SLC26A7: variants seen among roughly 807,000 people sequenced by gnomAD.
The protein encoded by SLC26A7 is anion exchange transporter.
Under a neutral mutation model 82.5 loss-of-function variants are expected in SLC26A7, and 59 were observed. The observed-to-expected ratio is 0.72, with a 90% CI of 0.58 to 0.89. The LOEUF is 0.89. Among genes scored for constraint, SLC26A7 ranks in the 40% least tolerant of loss-of-function variants. The pLI is 0.00. For missense variants in SLC26A7, 820 were observed against 793.0 expected, an observed-to-expected ratio of 1.03 and a Z score of -0.41; for synonymous variants, 271 against 274.3, an observed-to-expected ratio of 0.99 and a Z score of 0.12.
At chr8:91,228,277 A>G (rs1019488856) in intron 2 of SLC26A7, among the ~76,000 whole-genome samples, 7 of 152,248 alleles carry the variant, frequency 4.6e-5, no homozygotes, top group African/African-American at 1.7e-4. Context: ...GGTAGTAAAC[A>G]TAGGTGTTGG....
chr8:91,344,689 T>C (rs977365672), intron 9 of SLC26A7, among the ~76,000 whole-genome samples: 1 of 152,160 alleles, frequency 6.6e-6, no homozygotes, highest in Admixed American at 6.5e-5. Flanking sequence ...TTGCCACAGC[T>C]CATCAGCTAA....
chr8:91,242,016 C>T (rs1364974749), intron 2 of SLC26A7, among the ~76,000 whole-genome samples: 1 of 152,110 alleles, frequency 6.6e-6, no homozygotes, highest in East Asian at 1.9e-4. Context: ...ATTTTTTAGA[C>T]TTATCCCTTT....
At chr8:91,328,988 A>G (rs1289500241) in intron 5 of SLC26A7, among the ~76,000 whole-genome samples, 1 of 152,160 alleles carries the variant, frequency 6.6e-6, no homozygotes, top group Non-Finnish European at 1.5e-5. Flanking sequence ...ATGAACTAAT[A>G]TTACAGTTTT....
At chr8:91,359,085 T>C (rs1264761824) in intron 11 of SLC26A7, among the ~76,000 whole-genome samples, 1 of 152,054 alleles carries the variant, frequency 6.6e-6, no homozygotes, top group Non-Finnish European at 1.5e-5. Context: ...ATAATAAAAA[T>C]ATAAAAAAGA....
At chr8:91,226,833 G>T (rs1009223896) in intron 2 of SLC26A7, among the ~76,000 whole-genome samples, 4 of 152,216 alleles carry the variant, frequency 2.6e-5, no homozygotes, top group African/African-American at 7.2e-5. Context: ...GAATGAGTGA[G>T]TCCTATGGAT....
intron 1 of SLC26A7, among the ~76,000 whole-genome samples, chr8:91,216,251 A>T (rs1810045110): frequency 6.6e-6 from 1 of 152,180 alleles, no homozygotes; most frequent in Non-Finnish European, 1.5e-5. Context: ...AAGGGGAAAG[A>T]GGGACACAGA....
intron 15 of SLC26A7, among the ~76,000 whole-genome samples, chr8:91,371,610 T>C (rs1224259061): frequency 7.9e-5 from 12 of 152,026 alleles, no homozygotes; most frequent in African/African-American, 2.9e-4. Flanking sequence ...CCATCGTGTA[T>C]ATATAGTACA....
Position 91,249,705 on chromosome 8 carries a change from C to A in SLC26A7, c.54C>A (p.Thr18=). Residue 18 remains threonine, a synonymous_variant, in exon 2 of 19, where the codon ACC becomes ACA. Transcript: ENST00000276609. ...KKSMLWSKMH[T]PQCEDIIQWC... is the part of the protein sequence containing the mutation. ...GCATGCTTTGGAGCAAGATGCATAC[C>A]CCCCAGTGTGAAGACATTATACAGT... 1 of 1,590,446 alleles carries A rather than the reference C, an allele frequency of 6.3e-7. No individual in the cohort carries two copies. The highest frequency in any genetic ancestry group is 8.6e-7 in the Non-Finnish European group (1 of 1,169,224).
chr8:91,365,423 G>T (rs1469410498), intron 13 of SLC26A7, among the ~76,000 whole-genome samples: 1 of 152,200 alleles, frequency 6.6e-6, no homozygotes, highest in Non-Finnish European at 1.5e-5. Flanking sequence ...CCATGGGTTG[G>T]ACAAGTTTGA....
In SLC26A7 at chr8:91,343,784, T is replaced by A. The variant is rs1813484991; in HGVS notation, c.1140+318T>A. 1.3e-5 allele frequency among the ~76,000 whole-genome samples: 2 copies of A among 152,182 alleles called. 1 individual carries two copies. The highest frequency in any genetic ancestry group is 1.3e-4 in the Admixed American group (2 of 15,272). On this transcript the variant is annotated intron_variant, in intron 9 of 18. Transcript: ENST00000276609. Reference sequence around the variant, plus strand: ...AATCTAAATGGTCAACATGACGTTTTCCCATTTTTGTTAACTTCCTTTAAA... The same window carrying A: ...AATCTAAATGGTCAACATGACGTTTACCCATTTTTGTTAACTTCCTTTAAA...
intron 13 of SLC26A7, among the ~76,000 whole-genome samples, chr8:91,365,952 G>A (rs565815250): frequency 1.6e-4 from 25 of 152,232 alleles, no homozygotes; most frequent in Non-Finnish European, 2.9e-4. Context: ...ACCAAGTGAC[G>A]GGAAAATGGC....
chr8:91,397,208 C>T lies in SLC26A7; in HGVS notation c.*2111C>T, dbSNP rs1281593695. On this transcript the variant is annotated 3_prime_UTR_variant, in exon 19 of 19. Coordinates refer to ENST00000276609, the MANE Select transcript of SLC26A7 (RefSeq NM_052832.4). ...GACCAAACCATGTACCTTATGAAGA[C>T]CTTTGTTTTAAGACTTCCACACACC... 2.6e-5 allele frequency: 4 copies of T among 152,018 alleles called. No homozygotes were observed. The highest frequency in any genetic ancestry group is 4.4e-5 in the Non-Finnish European group (3 of 67,950). 9.4% of individuals were successfully genotyped at this position (152,018 alleles called of 1,614,324 possible). A position where few individuals can be genotyped will look rare whatever the true frequency, so the allele number is the denominator to read the frequency against.
At chr8:91,299,630 C>T (rs1199689906) in intron 4 of SLC26A7, among the ~76,000 whole-genome samples, 1 of 152,110 alleles carries the variant, frequency 6.6e-6, no homozygotes, top group Non-Finnish European at 1.5e-5. Context: ...ACTTTCTTTG[C>T]TATTCTACTG....
At chr8:91,256,747 C>T (rs879028118) in intron 2 of SLC26A7, among the ~76,000 whole-genome samples, 1 of 152,096 alleles carries the variant, frequency 6.6e-6, no homozygotes, top group Admixed American at 6.6e-5. Context: ...CTTAATGACA[C>T]ATTTGAGTGC....
intron 2 of SLC26A7, among the ~76,000 whole-genome samples, chr8:91,237,469 C>G (rs917246191): frequency 1.3e-5 from 2 of 152,264 alleles, no homozygotes; most frequent in East Asian, 3.9e-4. Flanking sequence ...AGATTCTCTC[C>G]TTTGTCGATA....
chr8:91,244,610 C>A (rs1200580723), upstream of SLC26A7, among the ~76,000 whole-genome samples: 1 of 151,598 alleles, frequency 6.6e-6, no homozygotes. Flanking sequence ...TTCAAGTGAT[C>A]CTCCTGCCTC....
At position 91,397,435 on chromosome 8, in the gene SLC26A7, CT is replaced by C. The variant is rs1165859632; in HGVS notation, c.*2340del. On this transcript the variant is annotated 3_prime_UTR_variant, in exon 19 of 19. Coordinates refer to ENST00000276609, the MANE Select transcript of SLC26A7 (RefSeq NM_052832.4). ...CAATGAATTATTTTTATGAGATTAC[CT>C]TATTTTTATATATGACAAACTACTT... The C allele has an allele frequency of 6.6e-6, 1 of 152,442 alleles. No homozygotes were observed. The allele number at this position is 152,442 out of a possible 1,614,324, so 9.4% of individuals were successfully genotyped here.
chr8:91,359,410 TTAA>T (rs1438992008), intron 11 of SLC26A7, among the ~76,000 whole-genome samples: 1 of 152,180 alleles, frequency 6.6e-6, no homozygotes, highest in Non-Finnish European at 1.5e-5. Context: ...TGGGGTGAAG[TTAA>T]TGAGTTTGCA....
rs148799589 is a variant in SLC26A7 at position 91,225,051 on chromosome 8, G to A, written c.-34+6046G>A. ...CCCTGGCCCCAGCAGGGGAAAAAGC[G>A]CAGCCTGGAGCTATAGAAATGGGTG... On this transcript the variant is annotated intron_variant, in intron 2 of 5. Coordinates refer to the SLC26A7 transcript ENST00000522862. Among the ~76,000 whole-genome samples the A allele has an allele frequency of 5.1e-3, 782 of 152,320 alleles. 5 individuals are homozygous for A. Among genetic ancestry groups the A allele is most frequent in the African/African-American group, 0.017 (718 of 41,574 alleles).
Sources: allele counts gnomAD v4.1 joint callset (sites outside exome capture counted in the v4.1 genomes callset), GRCh38; gene constraint gnomAD v4.1.1; transcripts MANE v1.5; gene names NCBI Gene and HGNC (gene_info 2026-07-23, HGNC 2026-07-21).